GTPBP1: variants seen among roughly 807,000 people sequenced by gnomAD.
The protein encoded by GTPBP1 is GTP binding protein 1, also known as GTP-binding protein 1.
GTPBP1 carries 23 observed loss-of-function variants against 62.0 expected under a neutral mutation model. The ratio of observed to expected loss-of-function variants is 0.37; its 90% CI spans 0.27 to 0.53. GTPBP1 has a LOEUF of 0.53. Among genes scored for constraint, GTPBP1 ranks in the 20% least tolerant of loss-of-function variants. GTPBP1 has a pLI of 0.89. For synonymous variants in GTPBP1, 344 were observed against 364.4 expected, an observed-to-expected ratio of 0.94 and a Z score of 0.64; for missense variants, 640 against 917.3, an observed-to-expected ratio of 0.70 and a Z score of 3.90.
rs1224143379 is a variant in GTPBP1 at position 38,715,955 on chromosome 22, C to G, written c.353C>G (p.Ala118Gly). Reference sequence around the variant, plus strand: ...GAAGCTGACATGGAGGCCTCCTACGCCACAGTGAAGAGCATGGCGGAACAG... The same window carrying G: ...GAAGCTGACATGGAGGCCTCCTACGGCACAGTGAAGAGCATGGCGGAACAG... The part of the protein sequence containing the change: ...LSEADMEASY[A>G]TVKSMAEQIE... The change falls in exon 3 of 12, where the codon GCC (alanine) becomes GGC (glycine). Residue 118 changes from alanine to glycine, a missense_variant. Ala to Gly is a moderately conservative substitution (Grantham distance 60). This residue lies in a region of GTPBP1 where 215 missense variants were observed against 235.1 expected (regional missense o/e 0.91). Coordinates refer to ENST00000216044, the MANE Select transcript of GTPBP1 (RefSeq NM_004286.5). The G allele has an allele frequency of 1.2e-6, 2 of 1,613,984 alleles. No individual in the cohort carries two copies. The highest frequency in any genetic ancestry group is 3.3e-5 in the Admixed American group (2 of 60,006).
downstream of GTPBP1, chr22:38,734,736 T>A (rs1317010080): frequency 2.3e-5 from 4 of 173,802 alleles, no homozygotes; most frequent in South Asian, 2.2e-4. Flanking sequence ...CCCACAGCTC[T>A]TGGGCGTCAT....
intron 2 of GTPBP1, among the ~76,000 whole-genome samples, chr22:38,714,250 G>A (rs913786079): frequency 7.9e-5 from 12 of 152,080 alleles, no homozygotes; most frequent in Non-Finnish European, 1.6e-4. Flanking sequence ...AGGCCAAGGC[G>A]GGCAGATCAC....
chr22:38,717,441 G>A (rs371276341), intron 4 of GTPBP1, among the ~76,000 whole-genome samples: 79 of 152,296 alleles, frequency 5.2e-4, no homozygotes, highest in African/African-American at 1.9e-3. Context: ...CAGTCGAGAG[G>A]CCCTGAGAGG....
At position 38,730,934 on chromosome 22, in the gene GTPBP1, TCCTC is replaced by T; in HGVS notation, c.*231_*234del. 1.9e-6 allele frequency: 1 copy of T among 525,828 alleles called. No individual in the cohort carries two copies. Among genetic ancestry groups the T allele is most frequent in the Non-Finnish European group, 3.4e-6 (1 of 297,862 alleles). The allele number at this position is 525,828 out of a possible 1,614,324, so 32.6% of individuals were successfully genotyped here. ...TCTCTCACTGTCCTCCCCACCTTCT[TCCTC>T]ACTCACACATTTTTTGTACATCTGG... is the stretch of plus-strand genomic sequence containing the variant. On this transcript the variant is annotated 3_prime_UTR_variant, in exon 12 of 12. Coordinates refer to ENST00000216044, the MANE Select transcript of GTPBP1 (RefSeq NM_004286.5). The surrounding 1 kb of genome is among the most constrained non-coding windows in gnomAD (Gnocchi z 5.6).
intron 4 of GTPBP1, among the ~76,000 whole-genome samples, chr22:38,720,096 T>G (rs1009331465): frequency 2.6e-5 from 4 of 151,662 alleles, no homozygotes; most frequent in Non-Finnish European, 4.4e-5. Flanking sequence ...GCCCAGCTAA[T>G]TTTTTGTATT....
At chr22:38,742,583 G>A (rs2092868803), downstream of GTPBP1, 1 of 1,591,554 alleles carries the variant, frequency 6.3e-7, no homozygotes, top group Non-Finnish European at 8.6e-7. Context: ...GAGCCACGGA[G>A]TGAGGGACCC....
chr22:38,739,667 C>A, downstream of GTPBP1: 4 of 1,582,888 alleles, frequency 2.5e-6, no homozygotes, highest in South Asian at 1.1e-5. The surrounding 1 kb of genome is among the most constrained non-coding windows in gnomAD (Gnocchi z 6.7). Context: ...CTGTCCAGGG[C>A]TCCCAGGGAG....
chr22:38,734,950 C>T, downstream of GTPBP1: 1 of 279,768 alleles, frequency 3.6e-6, no homozygotes, highest in South Asian at 3.1e-5. Context: ...CGCCTTCTTG[C>T]CCCTTCCCCG....
chr22:38,726,036 T>A lies in GTPBP1; in HGVS notation c.1104T>A (p.Val368=). The change falls in exon 7 of 12, where the codon GTT becomes GTA. Residue 368 remains valine, a synonymous_variant. Transcript: ENST00000216044. This position sits in a 1 kb window ranked among gnomAD's most constrained non-coding sequence, Gnocchi z 4.1. The part of the protein sequence containing the change: ...RMCPIFQISN[V]TGENLDLLKM... ...GCCCGATATTCCAGATCTCCAACGT[T>A]ACAGGCGAGAACCTAGATCTGCTGA... 2 of 1,614,052 alleles carry A rather than the reference T, an allele frequency of 1.2e-6. No individual in the cohort carries two copies. Among genetic ancestry groups the A allele is most frequent in the Non-Finnish European group, 1.7e-6 (2 of 1,179,958 alleles).
chr22:38,735,752 T>C (rs530208392), downstream of GTPBP1: 1 of 161,136 alleles, frequency 6.2e-6, no homozygotes, highest in Admixed American at 6.1e-5. Context: ...ACTAACCTTG[T>C]AGGAGAGCTG....
chr22:38,742,169 G>A (rs1464796383), downstream of GTPBP1: 6 of 1,143,202 alleles, frequency 5.2e-6, no homozygotes, highest in East Asian at 2.7e-5. Context: ...AAGAAAAAAA[G>A]AGAAAGGGAG....
chr22:38,707,847 G>T (rs1353546332), intron 1 of GTPBP1, among the ~76,000 whole-genome samples: 1 of 152,126 alleles, frequency 6.6e-6, no homozygotes, highest in Non-Finnish European at 1.5e-5. Context: ...GGGAGAGAAG[G>T]GTTGGGTTGA....
chr22:38,709,066 TGA>T, intron 2 of GTPBP1, 110 bp downstream of exon 2: 1 of 650,566 alleles, frequency 1.5e-6, no homozygotes, highest in Non-Finnish European at 2.8e-6. Flanking sequence ...GTGGATCACC[TGA>T]GGTCAGGAGT....
At position 38,715,900 on chromosome 22, in the gene GTPBP1, T is replaced by G; in HGVS notation, c.305-7T>G. Reference sequence around the variant, plus strand: ...TCTCCTGCTGATGTCTGGGCTCTTGTCACCAGATGGGACTGAGTATGGGCT... The same window carrying G: ...TCTCCTGCTGATGTCTGGGCTCTTGGCACCAGATGGGACTGAGTATGGGCT... On this transcript the variant is annotated splice_region_variant and splice_polypyrimidine_tract_variant and intron_variant, in intron 2 of 11. Coordinates refer to ENST00000216044, the MANE Select transcript of GTPBP1 (RefSeq NM_004286.5). The G allele has an allele frequency of 6.3e-7, 1 of 1,596,848 alleles. No homozygotes were observed. The highest frequency in any genetic ancestry group is 1.3e-5 in the African/African-American group (1 of 74,128).
chr22:38,730,647 C>T lies in GTPBP1; in HGVS notation c.1953C>T (p.Gly651=). The change falls in exon 12 of 12, where the codon GGC becomes GGT. Residue 651 remains glycine (G), a synonymous_variant. Transcript: ENST00000216044. The surrounding 1 kb of genome is among the most constrained non-coding windows in gnomAD (Gnocchi z 5.6). ...GCAGTGGAGGCCGGCGACGAGGGGG[C>T]CAGCGCCACAAGGTGAAGTCCCAGG... ...KPSSGGRRRG[G]QRHKVKSQGA... The T allele has an allele frequency of 1.2e-6, 2 of 1,605,614 alleles. No homozygotes were observed. The highest frequency in any genetic ancestry group is 1.7e-6 in the Non-Finnish European group (2 of 1,178,716).
intron 5 of GTPBP1, chr22:38,723,288 T>G: frequency 1.1e-6 from 1 of 885,704 alleles, no homozygotes. Context: ...GCTGTACCCT[T>G]AAAATAGGGT....
At chr22:38,740,954 A>G, downstream of GTPBP1, 11 of 1,539,038 alleles carry the variant, frequency 7.1e-6, no homozygotes, top group Non-Finnish European at 9.7e-6. The surrounding 1 kb of genome is among the most constrained non-coding windows in gnomAD (Gnocchi z 4.8). Context: ...CTGCCTGGAG[A>G]GTGGGTGGGG....
intron 1 of GTPBP1, chr22:38,706,446 A>C: frequency 8.0e-6 from 2 of 251,216 alleles, no homozygotes; most frequent in Non-Finnish European, 1.5e-5. Context: ...GGGGCGCCCG[A>C]TGCCAGCTGC....
At chr22:38,741,684 C>A, downstream of GTPBP1, 1 of 986,510 alleles carries the variant, frequency 1.0e-6, no homozygotes, top group Non-Finnish European at 1.6e-6. Flanking sequence ...TTCCAGAGCC[C>A]TGGCTCTCAG....
Sources: gnomAD v4.1 joint callset for allele counts (sites outside exome capture counted in the v4.1 genomes callset) on GRCh38, gnomAD v4.1.1 for gene constraint, gnomAD v4.1.1 regional missense constraint, Gnocchi (gnomAD v3.1) non-coding constraint, MANE v1.5 for transcripts, NCBI Gene and HGNC (gene_info 2026-07-23, HGNC 2026-07-21) for gene names.